COL6A5: variants seen among roughly 807,000 people sequenced by gnomAD.
The protein encoded by COL6A5 is collagen type VI alpha 5 chain, also known as collagen alpha-5(VI) chain.
A neutral mutation model predicts 65.6 loss-of-function variants in COL6A5; 48 were observed. The observed-to-expected ratio is 0.73, with a 90% CI of 0.58 to 0.93. The LOEUF is 0.93. COL6A5 is among the 40% of genes least tolerant of loss of function. COL6A5 has a pLI of 0.00. For synonymous variants in COL6A5, 291 were observed against 322.8 expected (o/e 0.90, Z 1.05); for missense variants, 914 against 928.3 (o/e 0.98, Z 0.20).
At chr3:130,477,634 A>G (rs1169701104) in intron 7 of COL6A5, among the ~76,000 whole-genome samples, 1 of 152,004 alleles carries the variant, frequency 6.6e-6, no homozygotes, top group African/African-American at 2.4e-5. Flanking sequence ...TCGTCTGGGA[A>G]CTCACTAGAA....
chr3:130,434,361 T>C (rs1196834429), intron 1 of COL6A5, among the ~76,000 whole-genome samples: 1 of 152,176 alleles, frequency 6.6e-6, no homozygotes, highest in Non-Finnish European at 1.5e-5. Context: ...GTTGGTTCCA[T>C]GTCTTTGCTA....
chr3:130,463,576 C>T (rs143930344), intron 5 of COL6A5, among the ~76,000 whole-genome samples: 1,618 of 152,170 alleles, frequency 0.011, 14 homozygotes, highest in Non-Finnish European at 0.016. Context: ...GGAAATTCTG[C>T]TGAATCCCTA....
rs574236695 is a variant in COL6A5 at position 130,368,518 on chromosome 3, G to A, written c.-28-5093G>A. On this transcript the variant is annotated intron_variant and NMD_transcript_variant, in intron 1 of 41. Coordinates refer to the COL6A5 transcript ENST00000312481. The stretch of plus-strand genomic sequence containing the variant: ...AAGGAGTTTATAGGTGTTAGTGGTC[G>A]GTGTGTATGTGTGAGTGTGTGTGAG... 6.0e-5 allele frequency among the ~76,000 whole-genome samples: 9 copies of A among 151,228 alleles called. No individual in the cohort carries two copies. The East Asian group carries it at 6.0e-4, about 10-fold the overall frequency.
chr3:130,429,655 G>A (rs889379954), upstream of COL6A5: 1 of 1,345,202 alleles, frequency 7.4e-7, no homozygotes. Context: ...CAATCTGAAA[G>A]ATGCCCTCAA....
At chr3:130,464,054 G>C (rs190604500) in intron 5 of COL6A5, among the ~76,000 whole-genome samples, 61 of 152,062 alleles carry the variant, frequency 4.0e-4, no homozygotes, top group African/African-American at 1.4e-3. Context: ...TTTTGATATG[G>C]GCTTGCAGAA....
exon 1 of COL6A5, chr3:130,431,854 T>G (rs1937829067): frequency 6.4e-7 from 1 of 1,551,460 alleles, no homozygotes; most frequent in Non-Finnish European, 8.7e-7. Flanking sequence ...AGCCAGTAGG[T>G]CATCCATCAT....
In COL6A5 at chr3:130,348,199, G is replaced by GCACCTATCAA. The variant is rs566281353; in HGVS notation, c.-29+2220_-29+2229dup. Among the ~76,000 whole-genome samples the GCACCTATCAA allele has an allele frequency of 9.9e-5, 15 of 152,244 alleles. No individual in the cohort carries two copies. In the East Asian group the frequency reaches 2.7e-3, roughly 27 times the overall value. On this transcript the variant is annotated intron_variant and NMD_transcript_variant, in intron 1 of 41. Coordinates refer to the COL6A5 transcript ENST00000312481. ...TATACATGTGCCATGGTGGTTTACT[G>GCACCTATCAA]CACCTATCAACCCATCATCTAGGTT...
exon 7 of COL6A5, chr3:130,391,733 A>G: frequency 6.5e-7 from 1 of 1,550,372 alleles, no homozygotes; most frequent in Non-Finnish European, 8.7e-7. Context: ...TCAAGAACGT[A>G]TGTGTACTGA....
intron 1 of COL6A5, among the ~76,000 whole-genome samples, chr3:130,432,382 A>G (rs1016840005): frequency 5.9e-5 from 9 of 152,078 alleles, no homozygotes; most frequent in Non-Finnish European, 1.2e-4. Flanking sequence ...GTGAAACTTC[A>G]TCTCTACTAA....
chr3:130,407,073 G>T lies in COL6A5; in HGVS notation c.4479+752G>T, dbSNP rs115471427. 6.0e-3 allele frequency among the ~76,000 whole-genome samples: 910 copies of T among 152,292 alleles called. 14 individuals are homozygous for T. Among genetic ancestry groups the T allele is most frequent in the African/African-American group, 0.021 (870 of 41,566 alleles). ...CAGAGAAGGGCATGTAACTCAGCCT[G>T]GGGGCAGGGGTTGTCCAGAAAGTCT... is the stretch of plus-strand genomic sequence containing the variant. On this transcript the variant is annotated intron_variant and NMD_transcript_variant, in intron 17 of 41. Coordinates refer to the COL6A5 transcript ENST00000312481.
At chr3:130,406,144 A>G (rs1191795608) in exon 16 of COL6A5, 6 of 1,550,482 alleles carry the variant, frequency 3.9e-6, no homozygotes, top group Non-Finnish European at 5.2e-6. Context: ...GGTCATGGAG[A>G]CGATGGGATT....
In COL6A5 at chr3:130,405,651, G is replaced by A. The variant is rs535294106; in HGVS notation, c.4345G>A (p.Gly1449Ser). The A allele has an allele frequency of 1.3e-6, 2 of 1,548,908 alleles. No homozygotes were observed. Among genetic ancestry groups the A allele is most frequent in the Admixed American group, 2.0e-5 (1 of 50,974 alleles). ...GATTGCAGGATGTCCAGGGGCGTGG[G>A]GTCAGAAGGTAAGGCTCTTCTGTAA... is the stretch of plus-strand genomic sequence containing the variant. The change falls in exon 14 of 42, where the codon GGT becomes AGT. Residue 1449 changes from glycine (G) to serine (S), a missense_variant and NMD_transcript_variant. By Grantham distance (56) the Gly-to-Ser change is moderately conservative. Coordinates refer to the COL6A5 transcript ENST00000312481.
exon 6 of COL6A5, chr3:130,388,998 T>C (rs939015068): frequency 4.5e-6 from 7 of 1,547,992 alleles, no homozygotes; most frequent in East Asian, 2.4e-5. Flanking sequence ...CCATCTTCTC[T>C]GTAGGAGTAT....
intron 14 of COL6A5, 146 bp from the exon 15 acceptor site, chr3:130,405,847 C>T (rs1577476127): frequency 1.1e-6 from 1 of 915,230 alleles, no homozygotes; most frequent in Non-Finnish European, 1.7e-6. Flanking sequence ...GAGTCTTTAG[C>T]ATTAATAAAT....
intron 1 of COL6A5, among the ~76,000 whole-genome samples, chr3:130,435,644 C>T (rs1938009870): frequency 6.6e-6 from 1 of 152,122 alleles, no homozygotes; most frequent in Admixed American, 6.5e-5. Context: ...TTGAAGATGT[C>T]CTTCACATCC....
intron 7 of COL6A5, among the ~76,000 whole-genome samples, 178 bp from the exon 40 acceptor site, chr3:130,471,502 TAA>T (rs1709952158): frequency 1.3e-5 from 2 of 152,152 alleles, no homozygotes; most frequent in South Asian, 4.1e-4. Context: ...GACAAATGTC[TAA>T]GTTTCCTTCA....
chr3:130,448,542 T>C lies in COL6A5; in HGVS notation c.1332+4976T>C, dbSNP rs7647141. Among the ~76,000 whole-genome samples, 825 of 152,280 alleles carry C rather than the reference T, an allele frequency of 5.4e-3. 7 individuals carry two copies. Among genetic ancestry groups the C allele is most frequent in the African/African-American group, 0.019 (789 of 41,560 alleles). On this transcript the variant is annotated intron_variant, in intron 4 of 7. Coordinates refer to ENST00000512836, the Ensembl canonical transcript of COL6A5. ...TTGTTTATCGACCACCATTCCTAAA[T>C]ATTGAACAGGAGTGGTCTGTTGAAT...
At chr3:130,464,019 G>T (rs1041716160) in intron 5 of COL6A5, among the ~76,000 whole-genome samples, 4 of 152,048 alleles carry the variant, frequency 2.6e-5, no homozygotes, top group African/African-American at 9.7e-5. Flanking sequence ...TATTTATAAA[G>T]AGAAAACTGG....
intron 24 of COL6A5, among the ~76,000 whole-genome samples, chr3:130,417,758 G>A (rs1937390640): frequency 6.6e-6 from 1 of 152,130 alleles, no homozygotes; most frequent in Non-Finnish European, 1.5e-5. Flanking sequence ...CAGCCACACA[G>A]GTGGCCTTGC....
Sources: gnomAD v4.1 joint callset for allele counts (sites outside exome capture counted in the v4.1 genomes callset) on GRCh38, gnomAD v4.1.1 for gene constraint, MANE v1.5 for transcripts, NCBI Gene and HGNC (gene_info 2026-07-23, HGNC 2026-07-21) for gene names.